PHACTR2: variants seen among roughly 807,000 people sequenced by gnomAD.
PHACTR2 encodes phosphatase and actin regulator 2.
Under a neutral mutation model 76.0 loss-of-function variants are expected in PHACTR2, and 30 were observed. The ratio of observed to expected loss-of-function variants is 0.39; its 90% CI spans 0.30 to 0.54. The LOEUF is 0.54. Among genes scored for constraint, PHACTR2 ranks in the 20% least tolerant of loss-of-function variants. The pLI, the probability that PHACTR2 is intolerant of heterozygous loss-of-function variation, is 0.61. For synonymous variants in PHACTR2, 292 were observed against 292.5 expected (o/e 1.00, Z 0.02); for missense variants, 696 against 781.1 (o/e 0.89, Z 1.30).
rs542947968 is a variant in PHACTR2 at position 143,738,041 on chromosome 6, C to T, written c.215-10944C>T. ...TCTTCTTACAACTTAGACTGGTTATCCCCACCTACCTGAGTTGGTGTTGTT... is the reference window on the plus strand; with the variant it reads ...TCTTCTTACAACTTAGACTGGTTATTCCCACCTACCTGAGTTGGTGTTGTT... On this transcript the variant is annotated intron_variant, in intron 2 of 12. Transcript: ENST00000440869. The surrounding 1 kb of genome is among the most constrained non-coding windows in gnomAD (Gnocchi z 4.0). Among the ~76,000 whole-genome samples the T allele has an allele frequency of 6.6e-6, 1 of 152,316 alleles. No homozygotes were observed. Among genetic ancestry groups the T allele is most frequent in the South Asian group, 2.1e-4 (1 of 4,826 alleles).
chr6:143,703,328 A>G (rs1015910927), intron 1 of PHACTR2, among the ~76,000 whole-genome samples: 1 of 152,096 alleles, frequency 6.6e-6, no homozygotes, highest in Non-Finnish European at 1.5e-5. Context: ...TGTGATTGTG[A>G]GTGCAATATC....
chr6:143,681,890 A>G (rs1054734595), intron 1 of PHACTR2, among the ~76,000 whole-genome samples: 10 of 152,368 alleles, frequency 6.6e-5, no homozygotes, highest in African/African-American at 2.4e-4. Context: ...TTGACTGTGT[A>G]CATAAGGGTT....
rs1203570523 is a variant in PHACTR2, at chr6:143,712,030, A to C, written c.61A>C (p.Lys21Gln). 1.5e-5 allele frequency: 24 copies of C among 1,592,226 alleles called. No individual in the cohort carries two copies. The highest frequency in any genetic ancestry group is 2.0e-5 in the Non-Finnish European group (24 of 1,171,328). ...PQPGSVDGLD[K>Q]ASIANSDGPT... ...TCTTTATACAGTTGACGGACTGGAC[A>C]AAGCTTCTATAGCAAACTCAGATGG... The change falls in exon 2 of 13, where the codon AAA becomes CAA. Residue 21 changes from lysine to glutamine, a missense_variant. Around this residue, in one of 2 missense-constraint regions of PHACTR2, gnomAD observed 460 missense variants for 450.9 expected, o/e 1.02. Coordinates refer to ENST00000440869, the MANE Select transcript of PHACTR2 (RefSeq NM_001100164.2).
In PHACTR2 at chr6:143,537,161, G is replaced by T. The variant is rs1781125045; in HGVS notation, c.171G>T (p.Ser57=). The change falls in exon 1 of 12, where the codon TCG becomes TCT. Residue 57 remains serine (S), a synonymous_variant. Coordinates refer to the PHACTR2 transcript ENST00000367584. The surrounding 1 kb of genome is among the most constrained non-coding windows in gnomAD (Gnocchi z 4.4). ...GCCGCTCACAGAGCGACCTCTCGTC[G>T]TCCTCGAGCAGGGGCCGCCCGCTCC... is the stretch of plus-strand genomic sequence containing the variant. 9.2e-6 allele frequency: 3 copies of T among 326,710 alleles called. No individual in the cohort carries two copies. Among genetic ancestry groups the T allele is most frequent in the Non-Finnish European group, 1.8e-5 (3 of 167,368 alleles). 20.2% of individuals were successfully genotyped at this position (326,710 alleles called of 1,614,324 possible). A position where few individuals can be genotyped will look rare whatever the true frequency, so the allele number is the denominator to read the frequency against.
intron 1 of PHACTR2, among the ~76,000 whole-genome samples, chr6:143,699,975 T>C (rs74482715): frequency 0.011 from 1,732 of 152,264 alleles, 38 homozygotes; most frequent in African/African-American, 0.04. Flanking sequence ...GCAGGTTTCA[T>C]GTCTGCCTTG....
rs971224820 is a variant in PHACTR2 at position 143,697,007 on chromosome 6, A to C, written c.47-15009A>C. ...ATTGTAGAGTCAGATGTTTGCCACC[A>C]CAACACTGGGCTATTATGCAAGGTA... On this transcript the variant is annotated intron_variant, in intron 1 of 12. Coordinates refer to ENST00000440869, the MANE Select transcript of PHACTR2 (RefSeq NM_001100164.2). This position sits in a 1 kb window ranked among gnomAD's most constrained non-coding sequence, Gnocchi z 4.4. 2.0e-5 allele frequency among the ~76,000 whole-genome samples: 3 copies of C among 152,156 alleles called. No individual in the cohort carries two copies. The highest frequency in any genetic ancestry group is 4.8e-5 in the African/African-American group (2 of 41,428).
rs140837217 is a variant in PHACTR2 at position 143,807,923 on chromosome 6, C to T, written c.1922+790C>T. Among the ~76,000 whole-genome samples, 46 of 152,238 alleles carry T rather than the reference C, an allele frequency of 3.0e-4. No homozygotes were observed. The East Asian group carries it at 8.7e-3, about 29-fold the overall frequency. On this transcript the variant is annotated intron_variant, in intron 12 of 12. Transcript: ENST00000440869. This position sits in a 1 kb window ranked among gnomAD's most constrained non-coding sequence, Gnocchi z 5.5. ...GCATGTCACAATATAAAGGAAGTTGCTGTATAACCTCCAACTTTAACAGCA... is the reference window on the plus strand; with the variant it reads ...GCATGTCACAATATAAAGGAAGTTGTTGTATAACCTCCAACTTTAACAGCA...
rs915156054 is a variant in PHACTR2 at position 143,700,418 on chromosome 6, G to A, written c.47-11598G>A. Among the ~76,000 whole-genome samples, 3 of 152,124 alleles carry A rather than the reference G, an allele frequency of 2.0e-5. No homozygotes were observed. The highest frequency in any genetic ancestry group is 6.5e-5 in the Admixed American group (1 of 15,270). Reference sequence around the variant, plus strand: ...AAAAATACAGAAATTAGCAAGGCATGGTGGCATGCACCTGTAATCCCAGCT... The same window carrying A: ...AAAAATACAGAAATTAGCAAGGCATAGTGGCATGCACCTGTAATCCCAGCT... On this transcript the variant is annotated intron_variant, in intron 1 of 12. Coordinates refer to ENST00000440869, the MANE Select transcript of PHACTR2 (RefSeq NM_001100164.2). This position sits in a 1 kb window ranked among gnomAD's most constrained non-coding sequence, Gnocchi z 4.1.
chr6:143,806,997 T>C lies in PHACTR2; in HGVS notation c.1846-60T>C. The C allele has an allele frequency of 2.3e-6, 2 of 882,936 alleles. No individual in the cohort carries two copies. 54.7% of individuals were successfully genotyped at this position (882,936 alleles called of 1,614,324 possible). A position where few individuals can be genotyped will look rare whatever the true frequency, so the allele number is the denominator to read the frequency against. On this transcript the variant is annotated intron_variant, in intron 11 of 12. Coordinates refer to ENST00000440869, the MANE Select transcript of PHACTR2 (RefSeq NM_001100164.2). The surrounding 1 kb of genome is among the most constrained non-coding windows in gnomAD (Gnocchi z 5.8). Reference sequence around the variant, plus strand: ...AGGTCTGCTTCATTGATGCTGTATATACTGGGGCAATATATGACCTAAATA... The same window carrying C: ...AGGTCTGCTTCATTGATGCTGTATACACTGGGGCAATATATGACCTAAATA...
intron 1 of PHACTR2, among the ~76,000 whole-genome samples, chr6:143,587,802 T>C (rs1050832344): frequency 5.3e-5 from 8 of 151,924 alleles, no homozygotes; most frequent in African/African-American, 1.9e-4. Context: ...TCACCTGTGG[T>C]CAGGAGTTAG....
intron 1 of PHACTR2, among the ~76,000 whole-genome samples, chr6:143,552,784 G>A (rs1775110405): frequency 6.6e-6 from 1 of 151,156 alleles, no homozygotes; most frequent in Admixed American, 6.6e-5. Context: ...GGTAGTCCCA[G>A]GTACTCAGGA....
intron 12 of PHACTR2, among the ~76,000 whole-genome samples, chr6:143,814,640 T>C (rs1373949680): frequency 7.1e-6 from 1 of 140,304 alleles, no homozygotes; most frequent in Non-Finnish European, 1.6e-5. Flanking sequence ...TCTCGCTCTG[T>C]CGCCCAGGCT....
At chr6:143,670,153 G>T (rs572136773) in intron 1 of PHACTR2, among the ~76,000 whole-genome samples, 2 of 152,050 alleles carry the variant, frequency 1.3e-5, no homozygotes, top group Admixed American at 6.5e-5. Context: ...ATTCTTTTAA[G>T]AATGTTGAAT....
At chr6:143,670,028 T>G (rs1354419685) in intron 1 of PHACTR2, among the ~76,000 whole-genome samples, 1 of 152,210 alleles carries the variant, frequency 6.6e-6, no homozygotes, top group Non-Finnish European at 1.5e-5. Context: ...CTTCAGGAAC[T>G]CTTGTAAGGC....
rs561132203 is a variant in PHACTR2 at position 143,765,118 on chromosome 6, G to A, written c.695-143G>A. 1.5e-6 allele frequency: 1 copy of A among 667,790 alleles called. No homozygotes were observed. The highest frequency in any genetic ancestry group is 2.7e-5 in the East Asian group (1 of 37,114). 41.4% of individuals were successfully genotyped at this position (667,790 alleles called of 1,614,324 possible). On this transcript the variant is annotated intron_variant, in intron 5 of 12. Coordinates refer to ENST00000440869, the MANE Select transcript of PHACTR2 (RefSeq NM_001100164.2). This position sits in a 1 kb window ranked among gnomAD's most constrained non-coding sequence, Gnocchi z 4.1. ...GGGCAGAAGACAAGACTATTATCATGATTAGCCTATTTTCTCTTATACATT... is the reference window on the plus strand; with the variant it reads ...GGGCAGAAGACAAGACTATTATCATAATTAGCCTATTTTCTCTTATACATT...
rs139651160 is a variant in PHACTR2, at chr6:143,753,615, A to T, written c.296-139A>T. 39 of 572,296 alleles carry T rather than the reference A, an allele frequency of 6.8e-5. No individual in the cohort carries two copies. In the African/African-American group the frequency reaches 6.9e-4, roughly 10 times the overall value. The allele number at this position is 572,296 out of a possible 1,614,324, so 35.5% of individuals were successfully genotyped here. A position where few individuals can be genotyped will look rare whatever the true frequency, so the allele number is the denominator to read the frequency against. ...TTTTCTAGCTCTTTTGTTTTGAATA[A>T]ACCGGTGAAACAGTGCAGGGTGTAT... On this transcript the variant is annotated intron_variant, in intron 3 of 12. Transcript: ENST00000440869. This position sits in a 1 kb window ranked among gnomAD's most constrained non-coding sequence, Gnocchi z 4.6.
At chr6:143,613,373 G>C (rs532284765) in intron 1 of PHACTR2, among the ~76,000 whole-genome samples, 1 of 152,332 alleles carries the variant, frequency 6.6e-6, no homozygotes, top group Admixed American at 6.5e-5. Context: ...CAAAATAACT[G>C]TTTTAAAATA....
At position 143,611,260 on chromosome 6, in the gene PHACTR2, A is replaced by G. The variant is rs1212283991; in HGVS notation, c.13+2938A>G. Among the ~76,000 whole-genome samples the G allele has an allele frequency of 6.6e-6, 1 of 152,098 alleles. No individual in the cohort carries two copies. The highest frequency in any genetic ancestry group is 2.4e-5 in the African/African-American group (1 of 41,398). On this transcript the variant is annotated intron_variant, in intron 1 of 11. Coordinates refer to the PHACTR2 transcript ENST00000305766. The surrounding 1 kb of genome is among the most constrained non-coding windows in gnomAD (Gnocchi z 4.4). ...GGTTGAAAGAGCCACACTCATTTGG[A>G]GGGGAGGTGGCAGCTGCTGAGAGCC...
At chr6:143,552,550 A>G (rs1428590557) in intron 1 of PHACTR2, among the ~76,000 whole-genome samples, 1 of 152,228 alleles carries the variant, frequency 6.6e-6, no homozygotes, top group African/African-American at 2.4e-5. Flanking sequence ...TTCTGTGCTC[A>G]GACATGTCTG....
Sources: allele counts gnomAD v4.1 joint callset (sites outside exome capture counted in the v4.1 genomes callset), GRCh38; gene constraint gnomAD v4.1.1; regional missense constraint gnomAD v4.1.1; non-coding constraint Gnocchi (gnomAD v3.1); transcripts MANE v1.5; gene names NCBI Gene and HGNC (gene_info 2026-07-23, HGNC 2026-07-21).